Variants in GLP1R observed in about 807,000 individuals in gnomAD.
GLP1R encodes glucagon-like peptide 1 receptor.
In GLP1R, 32 loss-of-function variants were observed where a neutral mutation model predicts 68.4. That is an observed-to-expected ratio of 0.47 (90% CI 0.35 to 0.63). The LOEUF (loss-of-function observed/expected upper bound fraction) is 0.63. Among genes scored for constraint, GLP1R ranks in the 20% least tolerant of loss-of-function variants. GLP1R has a pLI of 0.00. For synonymous variants in GLP1R, 263 were observed against 244.4 expected (o/e 1.08, Z -0.71); for missense variants, 502 against 594.9 (o/e 0.84, Z 1.62).
intron 7 of GLP1R, among the ~76,000 whole-genome samples, chr6:39,077,406 G>T (rs951558080): frequency 2.0e-5 from 3 of 152,206 alleles, no homozygotes; most frequent in African/African-American, 7.2e-5. Flanking sequence ...AGCCGCAGTT[G>T]CTGGCCAAAG....
intron 8 of GLP1R, 145 bp from the exon 9 acceptor site, chr6:39,078,812 T>C (rs1446802722): frequency 8.3e-6 from 6 of 722,138 alleles, no homozygotes; most frequent in South Asian, 1.6e-5. Flanking sequence ...TGTGGGTCCA[T>C]GGGACTGGTT....
chr6:39,061,828 C>T (rs771938545), intron 3 of GLP1R, among the ~76,000 whole-genome samples: 2 of 152,236 alleles, frequency 1.3e-5, no homozygotes, highest in African/African-American at 4.8e-5. Context: ...AGGATTTGAA[C>T]TTGAGTCTGT....
rs559265375 is a variant in GLP1R at position 39,089,618 on chromosome 6, G to A, written c.*3545G>A. 1.3e-5 allele frequency among the ~76,000 whole-genome samples: 2 copies of A among 152,192 alleles called. No homozygotes were observed. Among genetic ancestry groups the A allele is most frequent in the South Asian group, 2.1e-4 (1 of 4,818 alleles). On this transcript the variant is annotated 3_prime_UTR_variant, in exon 13 of 13. Coordinates refer to ENST00000373256, the MANE Select transcript of GLP1R (RefSeq NM_002062.5). This position sits in a 1 kb window ranked among gnomAD's most constrained non-coding sequence, Gnocchi z 4.1. ...AGGAAAGAACATTGCATGTGGGCGT[G>A]TGTGTGTGTATGTGTGTGCATGTGT... is the stretch of plus-strand genomic sequence containing the variant.
chr6:39,056,822 G>T (rs1337180871), intron 2 of GLP1R, among the ~76,000 whole-genome samples: 1 of 152,142 alleles, frequency 6.6e-6, no homozygotes, highest in Admixed American at 6.5e-5. Context: ...TGTCTTATCT[G>T]TGTGTCCTTC....
intron 3 of GLP1R, among the ~76,000 whole-genome samples, chr6:39,058,034 G>T (rs1188001976): frequency 1.3e-5 from 2 of 152,240 alleles, no homozygotes; most frequent in Admixed American, 6.5e-5. Flanking sequence ...GGTGAGGGGA[G>T]CAGTCAGTAG....
At chr6:39,077,333 C>A (rs1768858277) in intron 7 of GLP1R, among the ~76,000 whole-genome samples, 1 of 152,232 alleles carries the variant, frequency 6.6e-6, no homozygotes, top group African/African-American at 2.4e-5. Context: ...TTGCTGTCAT[C>A]TCAAGGCTTA....
At chr6:39,069,194 T>TG (rs1768593543) in intron 5 of GLP1R, among the ~76,000 whole-genome samples, 1 of 152,236 alleles carries the variant, frequency 6.6e-6, no homozygotes, top group African/African-American at 2.4e-5. Flanking sequence ...CCAAGTTATT[T>TG]GCCACTTTGT....
Position 39,086,173 on chromosome 6 carries a change from ACAC to A in GLP1R, c.*101_*103del. 1 of 482,360 alleles carries A rather than the reference ACAC, an allele frequency of 2.1e-6. No individual in the cohort carries two copies. The highest frequency in any genetic ancestry group is 3.4e-6 in the Non-Finnish European group (1 of 292,810). 29.9% of individuals were successfully genotyped at this position (482,360 alleles called of 1,614,324 possible). On this transcript the variant is annotated 3_prime_UTR_variant, in exon 13 of 13. Transcript: ENST00000373256. The surrounding 1 kb of genome is among the most constrained non-coding windows in gnomAD (Gnocchi z 4.5). The stretch of plus-strand genomic sequence containing the variant: ...GGGACAAGGGAAGGAAGGGACACAC[ACAC>A]ACACACACACACACACACACACACA...
In GLP1R at chr6:39,079,332, G is replaced by A. The variant is rs1768926411; in HGVS notation, c.1043+132G>A. On this transcript the variant is annotated intron_variant, in intron 10 of 12. Coordinates refer to ENST00000373256, the MANE Select transcript of GLP1R (RefSeq NM_002062.5). This position sits in a 1 kb window ranked among gnomAD's most constrained non-coding sequence, Gnocchi z 4.5. ...TACCCTCTCCTTCCACCCAGGCCTG[G>A]CCTTGGACCCCAAACCCTTGCTTTT... The A allele has an allele frequency of 1.2e-6, 1 of 832,276 alleles. No individual in the cohort carries two copies. The highest frequency in any genetic ancestry group is 2.0e-6 in the Non-Finnish European group (1 of 509,438). 51.6% of individuals were successfully genotyped at this position (832,276 alleles called of 1,614,324 possible).
At chr6:39,059,368 G>C (rs1768300104) in intron 3 of GLP1R, among the ~76,000 whole-genome samples, 1 of 152,308 alleles carries the variant, frequency 6.6e-6, no homozygotes, top group Middle Eastern at 3.4e-3. Context: ...GTGGCTAATT[G>C]CTACACCAAA....
At chr6:39,050,486 C>T (rs1484779565) in intron 1 of GLP1R, among the ~76,000 whole-genome samples, 6 of 152,064 alleles carry the variant, frequency 3.9e-5, no homozygotes, top group Non-Finnish European at 8.8e-5. Flanking sequence ...TCCTCTGATC[C>T]GATTTTACTC....
At chr6:39,071,582 C>T (rs1475136757) in intron 5 of GLP1R, among the ~76,000 whole-genome samples, 2 of 151,978 alleles carry the variant, frequency 1.3e-5, no homozygotes, top group Non-Finnish European at 2.9e-5. Context: ...TTCCTTCCCC[C>T]TTGGTTTGCA....
chr6:39,067,210 T>C (rs970942799), intron 5 of GLP1R, among the ~76,000 whole-genome samples: 1 of 152,218 alleles, frequency 6.6e-6, no homozygotes, highest in Non-Finnish European at 1.5e-5. Flanking sequence ...CTTGTACTTT[T>C]ACCACATTTG....
chr6:39,078,383 G>T lies in GLP1R; in HGVS notation c.884+1G>T. The T allele has an allele frequency of 6.2e-7, 1 of 1,606,210 alleles. No individual in the cohort carries two copies. The highest frequency in any genetic ancestry group is 8.5e-7 in the Non-Finnish European group (1 of 1,172,802). ...TCAAGTACCTCTATGAGGACGAGGG[G>T]TGAGTGTCCTGCTCCAAGGGGGCGG... On this transcript the variant is annotated splice_donor_variant, in intron 8 of 12. Coordinates refer to ENST00000373256, the MANE Select transcript of GLP1R (RefSeq NM_002062.5). LOFTEE classifies it high-confidence loss of function.
intron 1 of GLP1R, among the ~76,000 whole-genome samples, chr6:39,053,629 C>T (rs1287578566): frequency 6.6e-6 from 1 of 152,192 alleles, no homozygotes; most frequent in African/African-American, 2.4e-5. Context: ...TCCCCACAGC[C>T]ATCCCATGGG....
chr6:39,057,530 C>T lies in GLP1R; in HGVS notation c.234C>T (p.Gly78=), dbSNP rs897775486. The change falls in exon 3 of 13, where the codon GGC becomes GGT. Residue 78 remains glycine (G), a synonymous_variant. Transcript: ENST00000373256. Reference sequence around the variant, plus strand: ...CCTGCTGGCCAGATGGGGAGCCAGGCTCGTTCGTGAATGTCAGCTGCCCCT... The same window carrying T: ...CCTGCTGGCCAGATGGGGAGCCAGGTTCGTTCGTGAATGTCAGCTGCCCCT... The part of the protein sequence containing the change: ...EYACWPDGEP[G]SFVNVSCPWY... The T allele has an allele frequency of 6.2e-7, 1 of 1,613,480 alleles. No individual in the cohort carries two copies. Among genetic ancestry groups the T allele is most frequent in the Non-Finnish European group, 8.5e-7 (1 of 1,179,728 alleles).
rs1346030332 is a variant in GLP1R, at chr6:39,049,549, G to A, written c.78+631G>A. On this transcript the variant is annotated intron_variant, in intron 1 of 12. Transcript: ENST00000373256. The surrounding 1 kb of genome is among the most constrained non-coding windows in gnomAD (Gnocchi z 4.5). ...GGAACCTACCCCCCGTCCCCTACCA[G>A]CCTCTGTAGCAAACAGGCAGAAGGC... Among the ~76,000 whole-genome samples, 1 of 151,920 alleles carries A rather than the reference G, an allele frequency of 6.6e-6. No homozygotes were observed. Among genetic ancestry groups the A allele is most frequent in the African/African-American group, 2.4e-5 (1 of 41,326 alleles).
At chr6:39,069,593 G>A (rs565751469) in intron 5 of GLP1R, among the ~76,000 whole-genome samples, 17 of 150,332 alleles carry the variant, frequency 1.1e-4, no homozygotes, top group African/African-American at 2.2e-4. Flanking sequence ...AGCAGAGATC[G>A]TGCCACTGCA....
intron 2 of GLP1R, among the ~76,000 whole-genome samples, chr6:39,056,703 G>A (rs563179267): frequency 1.4e-4 from 22 of 152,268 alleles, no homozygotes; most frequent in African/African-American, 4.3e-4. Context: ...CAAAGTCCGC[G>A]GAAGCACTGC....
Sources: gnomAD v4.1 joint callset for allele counts (sites outside exome capture counted in the v4.1 genomes callset) on GRCh38, gnomAD v4.1.1 for gene constraint, Gnocchi (gnomAD v3.1) non-coding constraint, MANE v1.5 for transcripts, NCBI Gene and HGNC (gene_info 2026-07-23, HGNC 2026-07-21) for gene names.